SDK1: variants seen among roughly 807,000 people sequenced by gnomAD.
SDK1 encodes the protein sidekick cell adhesion molecule 1.
In SDK1, 157 loss-of-function variants were observed where a neutral mutation model predicts 245.5. That is an observed-to-expected ratio of 0.64 (90% CI 0.56 to 0.73). SDK1 has a LOEUF of 0.73. SDK1 is among the 30% of genes least tolerant of loss of function. The pLI is 0.00. For synonymous variants in SDK1, 1,647 were observed against 1,278.5 expected (o/e 1.29, Z -6.15); for missense variants, 3,583 against 3,002.3 (o/e 1.19, Z -4.52).
intron 4 of SDK1, among the ~76,000 whole-genome samples, chr7:3,650,519 G>C (rs1439675822): frequency 1.3e-5 from 2 of 152,036 alleles, no homozygotes; most frequent in African/African-American, 4.8e-5. Flanking sequence ...TTCACATACA[G>C]TCAAAAGAAA....
chr7:3,349,682 C>G (rs924990961), intron 1 of SDK1, among the ~76,000 whole-genome samples: 2 of 152,070 alleles, frequency 1.3e-5, no homozygotes, highest in African/African-American at 4.8e-5. Flanking sequence ...TCACTGCAAG[C>G]TCCACCTCCC....
chr7:4,086,641 C>G (rs1004166863), intron 22 of SDK1, among the ~76,000 whole-genome samples: 3 of 152,126 alleles, frequency 2.0e-5, no homozygotes, highest in African/African-American at 7.2e-5. Flanking sequence ...TCTCATCTCT[C>G]TGGCCCACTC....
chr7:3,601,558 C>T (rs1371649170), intron 1 of SDK1, among the ~76,000 whole-genome samples: 2 of 151,334 alleles, frequency 1.3e-5, no homozygotes, highest in Non-Finnish European at 2.9e-5. Context: ...TGCAGTGATA[C>T]CATTGTTGGT....
chr7:4,173,918 T>C (rs1224526914), intron 32 of SDK1, among the ~76,000 whole-genome samples: 1 of 152,200 alleles, frequency 6.6e-6, no homozygotes, highest in Non-Finnish European at 1.5e-5. Context: ...GCCGTCTGTG[T>C]CTGTCCCCAG....
At chr7:4,180,402 CTGGCTCCAGCTCTATGCCCAG>C (rs1782532672) in intron 35 of SDK1, among the ~76,000 whole-genome samples, 1 of 147,090 alleles carries the variant, frequency 6.8e-6, no homozygotes, top group Non-Finnish European at 1.5e-5. Flanking sequence ...TGCCCAGCGC[CTGGCTCCAGCTCTATGCCCAG>C]CGCCCAGCTC....
chr7:4,173,079 C>T (rs1203813205), intron 32 of SDK1, among the ~76,000 whole-genome samples: 1 of 152,244 alleles, frequency 6.6e-6, no homozygotes. Context: ...GCCCAGGGAG[C>T]AGGATGGTGC....
intron 5 of SDK1, among the ~76,000 whole-genome samples, chr7:3,823,953 T>TG (rs1562470768): frequency 8.3e-5 from 8 of 95,978 alleles, no homozygotes; most frequent in Middle Eastern, 8.2e-3. Flanking sequence ...TTTTTTTGTG[T>TG]TTTTTTTTTT....
chr7:3,457,393 G>A (rs886597350), intron 1 of SDK1, among the ~76,000 whole-genome samples: 1 of 151,802 alleles, frequency 6.6e-6, no homozygotes, highest in African/African-American at 2.4e-5. Flanking sequence ...TGCCTTTCCC[G>A]AGCCAATCCC....
intron 1 of SDK1, among the ~76,000 whole-genome samples, chr7:3,341,106 A>G (rs777140637): frequency 6.6e-6 from 1 of 152,194 alleles, no homozygotes; most frequent in East Asian, 1.9e-4. Flanking sequence ...ATGAACTTAA[A>G]GGCAATGATC....
intron 1 of SDK1, among the ~76,000 whole-genome samples, chr7:3,439,961 A>G (rs1158024189): frequency 6.6e-6 from 1 of 152,150 alleles, no homozygotes; most frequent in Non-Finnish European, 1.5e-5. Flanking sequence ...AGCTCTATGG[A>G]GATATAATTG....
chr7:3,781,761 C>T (rs1391453972), intron 4 of SDK1, among the ~76,000 whole-genome samples: 19 of 151,924 alleles, frequency 1.3e-4, no homozygotes, highest in Admixed American at 1.2e-3. Context: ...ATGAAAAATA[C>T]AGTGGCTGAG....
chr7:3,700,846 C>T (rs1784718541), intron 4 of SDK1, among the ~76,000 whole-genome samples: 1 of 152,056 alleles, frequency 6.6e-6, no homozygotes, highest in Non-Finnish European at 1.5e-5. Context: ...CCTTTTTTCC[C>T]CTTATTTCTA....
intron 1 of SDK1, among the ~76,000 whole-genome samples, chr7:3,401,410 G>T (rs80200783): frequency 0.042 from 6,445 of 152,198 alleles, 428 homozygotes; most frequent in African/African-American, 0.14. Context: ...GTCACCACTG[G>T]GTAATATATT....
intron 1 of SDK1, among the ~76,000 whole-genome samples, chr7:3,409,319 C>T (rs1469511929): frequency 5.7e-4 from 78 of 136,974 alleles, no homozygotes; most frequent in African/African-American, 2.0e-3. Context: ...TTTTTGGATG[C>T]CTTTGAGGCC....
chr7:3,944,580 T>TCTTTAA (rs535554186), intron 5 of SDK1, among the ~76,000 whole-genome samples: 142 of 152,346 alleles, frequency 9.3e-4, no homozygotes, highest in African/African-American at 3.3e-3. Flanking sequence ...AGAGGTTGTT[T>TCTTTAA]CATTCTTTTA....
chr7:3,374,956 C>T lies in SDK1; in HGVS notation c.298+73072C>T, dbSNP rs1031018861. Among the ~76,000 whole-genome samples the T allele has an allele frequency of 3.9e-5, 6 of 152,150 alleles. No homozygotes were observed. In the South Asian group the frequency reaches 1.0e-3, roughly 26 times the overall value. Reference sequence around the variant, plus strand: ...ACACAGACTGTGTCTCTTTAGTTCACTATCGTATATCTAACACCTGTAATT... The same window carrying T: ...ACACAGACTGTGTCTCTTTAGTTCATTATCGTATATCTAACACCTGTAATT... On this transcript the variant is annotated intron_variant, in intron 1 of 44. Coordinates refer to ENST00000404826, the MANE Select transcript of SDK1 (RefSeq NM_152744.4).
At position 3,890,644 on chromosome 7, in the gene SDK1, T is replaced by TA. The variant is rs751434855; in HGVS notation, c.848-60265dup. Among the ~76,000 whole-genome samples, 781 of 142,720 alleles carry TA rather than the reference T, an allele frequency of 5.5e-3. 5 individuals are homozygous for TA. Among genetic ancestry groups the TA allele is most frequent in the African/African-American group, 0.016 (641 of 38,908 alleles). The allele number at this position is 142,720 out of a possible 152,430, so 93.6% of individuals were successfully genotyped here. A position where few individuals can be genotyped will look rare whatever the true frequency, so the allele number is the denominator to read the frequency against. On this transcript the variant is annotated intron_variant, in intron 5 of 44. Transcript: ENST00000404826. ...ATATTGTATTTGTTTTTGCTGTGGTTAAAAAAAAAAAAAAGTAGCGGGTGT... is the reference window on the plus strand; with the variant it reads ...ATATTGTATTTGTTTTTGCTGTGGTTAAAAAAAAAAAAAAAGTAGCGGGTGT...
At chr7:3,709,469 G>C (rs1270964842) in intron 4 of SDK1, among the ~76,000 whole-genome samples, 1 of 152,228 alleles carries the variant, frequency 6.6e-6, no homozygotes, top group Non-Finnish European at 1.5e-5. Context: ...TGGATTGCCA[G>C]GTTCCCTGGA....
At chr7:3,859,436 G>C (rs549166874) in intron 5 of SDK1, among the ~76,000 whole-genome samples, 1 of 150,616 alleles carries the variant, frequency 6.6e-6, no homozygotes, top group Non-Finnish European at 1.5e-5. Flanking sequence ...GCTGGTTTTG[G>C]TTTTTTTTTC....
Sources: allele counts gnomAD v4.1 joint callset (sites outside exome capture counted in the v4.1 genomes callset), GRCh38; gene constraint gnomAD v4.1.1; transcripts MANE v1.5; gene names NCBI Gene and HGNC (gene_info 2026-07-23, HGNC 2026-07-21).